The following AKT3 variants were observed in gnomAD, a reference collection of about 807,000 sequenced individuals.
AKT3 encodes the protein AKT serine/threonine kinase 3, also known as RAC-gamma serine/threonine-protein kinase.
In AKT3, 15 loss-of-function variants were observed where a neutral mutation model predicts 65.3. That is an observed-to-expected ratio of 0.23 (90% CI 0.15 to 0.35). The LOEUF is 0.35. AKT3 is among the 10% of genes least tolerant of loss of function. The pLI is 1.00. For missense variants in AKT3, 243 were observed against 576.5 expected (o/e 0.42, Z 5.92); for synonymous variants, 206 against 183.8 (o/e 1.12, Z -0.98).
chr1:243,709,019 A>G (rs1685981982), intron 2 of AKT3, among the ~76,000 whole-genome samples: 1 of 151,982 alleles, frequency 6.6e-6, no homozygotes, highest in South Asian at 2.1e-4. Context: ...TAAGTCAATC[A>G]ATGTACACTG....
intron 2 of AKT3, among the ~76,000 whole-genome samples, chr1:243,761,722 C>T (rs1180887249): frequency 1.3e-5 from 2 of 152,126 alleles, no homozygotes; most frequent in South Asian, 4.1e-4. Flanking sequence ...AAGCCCATAG[C>T]ACCACGTTGG....
Position 243,718,461 on chromosome 1 carries a change from G to GT in AKT3, c.47-22746dup, listed in dbSNP as rs879475360. Among the ~76,000 whole-genome samples the GT allele has an allele frequency of 1.9e-4, 28 of 151,118 alleles. No homozygotes were observed. The South Asian group carries it at 1.9e-3, about 10-fold the overall frequency. On this transcript the variant is annotated intron_variant, in intron 2 of 13. Coordinates refer to ENST00000673466, the MANE Select transcript of AKT3 (RefSeq NM_005465.7). ...TTTTACCTATCTACTGTTTTGTTTT[G>GT]TTTTTTTTCAGACAGTCTCTCTCTG...
intron 12 of AKT3, among the ~76,000 whole-genome samples, chr1:243,519,725 G>A (rs992760035): frequency 6.6e-6 from 1 of 151,866 alleles, no homozygotes; most frequent in African/African-American, 2.4e-5. Flanking sequence ...GAAATCATTA[G>A]GCATCCACCT....
chr1:243,584,386 C>T (rs1359621465), intron 8 of AKT3, among the ~76,000 whole-genome samples: 1 of 151,966 alleles, frequency 6.6e-6, no homozygotes, highest in African/African-American at 2.4e-5. Context: ...ATGTAAGGTA[C>T]AAGGAAGAGG....
At chr1:243,711,214 G>C (rs1365052555) in intron 2 of AKT3, among the ~76,000 whole-genome samples, 1 of 152,168 alleles carries the variant, frequency 6.6e-6, no homozygotes, top group Non-Finnish European at 1.5e-5. Flanking sequence ...AGCTACTCGG[G>C]AGGCTGAGGC....
chr1:243,498,244 G>C (rs1313342031), downstream of AKT3, among the ~76,000 whole-genome samples: 1 of 152,214 alleles, frequency 6.6e-6, no homozygotes, highest in Non-Finnish European at 1.5e-5. Flanking sequence ...GATCGTGTTG[G>C]TGGCAGTCTC....
intron 2 of AKT3, among the ~76,000 whole-genome samples, chr1:243,720,749 A>C (rs1207906240): frequency 1.3e-5 from 2 of 152,222 alleles, no homozygotes; most frequent in Non-Finnish European, 2.9e-5. Flanking sequence ...GAGCCAATCA[A>C]AATGCAATAA....
intron 12 of AKT3, among the ~76,000 whole-genome samples, chr1:243,515,732 T>G (rs1670309667): frequency 6.6e-6 from 1 of 152,354 alleles, no homozygotes; most frequent in East Asian, 1.9e-4. Context: ...GGCTCATGCC[T>G]GTAATCCCAG....
intron 2 of AKT3, among the ~76,000 whole-genome samples, chr1:243,773,644 T>C (rs1024652906): frequency 1.3e-5 from 2 of 152,106 alleles, no homozygotes; most frequent in African/African-American, 4.8e-5. Context: ...AAAAAAGTTT[T>C]ATAAAATGAG....
chr1:243,839,089 G>A (rs1695076334), intron 2 of AKT3, among the ~76,000 whole-genome samples: 1 of 151,960 alleles, frequency 6.6e-6, no homozygotes, highest in Admixed American at 6.6e-5. Context: ...GACTACTTAG[G>A]TTTTTATGAA....
intron 12 of AKT3, among the ~76,000 whole-genome samples, chr1:243,513,457 C>T (rs904372909): frequency 6.6e-6 from 1 of 152,150 alleles, no homozygotes; most frequent in African/African-American, 2.4e-5. Flanking sequence ...AAAACAAATA[C>T]ACAATTGGCT....
At position 243,543,554 on chromosome 1, in the gene AKT3, T is replaced by A. The variant is rs6697724; in HGVS notation, c.1251+1956A>T. On this transcript the variant is annotated intron_variant, in intron 12 of 13. Transcript: ENST00000673466. ...TAGCTATTTATTAAAAATAAAACCA[T>A]GCATGATTTCTGGGAGAGACAGCAA... 2.6e-5 allele frequency among the ~76,000 whole-genome samples: 4 copies of A among 152,174 alleles called. No individual in the cohort carries two copies. In the South Asian group the frequency reaches 8.3e-4, roughly 31 times the overall value.
intron 6 of AKT3, among the ~76,000 whole-genome samples, chr1:243,631,243 T>C (rs1028468119): frequency 2.0e-5 from 3 of 152,226 alleles, no homozygotes; most frequent in Non-Finnish European, 4.4e-5. Flanking sequence ...TGGCAGAAGG[T>C]CTTCTCTTGA....
intron 10 of AKT3, among the ~76,000 whole-genome samples, chr1:243,562,739 G>A (rs1176705581): frequency 1.3e-5 from 2 of 152,190 alleles, no homozygotes; most frequent in East Asian, 1.9e-4. Flanking sequence ...CAGAACTGTC[G>A]GACATGTGAG....
Position 243,714,803 on chromosome 1 carries a change from T to TAGTA in AKT3, c.47-19091_47-19088dup, listed in dbSNP as rs1209641880. On this transcript the variant is annotated intron_variant, in intron 2 of 13. Coordinates refer to ENST00000673466, the MANE Select transcript of AKT3 (RefSeq NM_005465.7). Reference sequence around the variant, plus strand: ...TGAAGAAAGACTTTAATAACACTAATAGTACACTGGTTATCATGGCACAAT... The same window carrying TAGTA: ...TGAAGAAAGACTTTAATAACACTAATAGTAAGTACACTGGTTATCATGGCACAAT... 3.9e-5 allele frequency among the ~76,000 whole-genome samples: 6 copies of TAGTA among 152,268 alleles called. No individual in the cohort carries two copies. The South Asian group carries it at 1.2e-3, about 32-fold the overall frequency.
At chr1:243,761,479 T>C (rs1156233127) in intron 2 of AKT3, among the ~76,000 whole-genome samples, 5 of 151,936 alleles carry the variant, frequency 3.3e-5, no homozygotes, top group Admixed American at 3.3e-4. Context: ...AAATAAAAAC[T>C]AAAAGACCAT....
chr1:243,606,287 C>G (rs959136219), intron 8 of AKT3, among the ~76,000 whole-genome samples: 14 of 152,166 alleles, frequency 9.2e-5, no homozygotes, highest in Non-Finnish European at 4.4e-5. Context: ...CAAAAGAAGA[C>G]AGAAAAACGT....
intron 2 of AKT3, among the ~76,000 whole-genome samples, chr1:243,712,959 A>G (rs879797582): frequency 6.6e-6 from 1 of 152,198 alleles, no homozygotes; most frequent in Non-Finnish European, 1.5e-5. Flanking sequence ...TGAGAAAAAG[A>G]GTATGTACTG....
rs1056722848 is a variant in AKT3 at position 243,845,599 on chromosome 1, A to AAAAAAAAAG, written c.-112-2318_-112-2317insCTTTTTTTT. Reference sequence around the variant, plus strand: ...GTGAGAACCTGTCTCAAAAAAAAAAAAAAAGAAAAGAAAAGAAAAAGAATT... The same window carrying AAAAAAAAAG: ...GTGAGAACCTGTCTCAAAAAAAAAAAAAAAAAAAGAAAAGAAAAGAAAAGAAAAAGAATT... On this transcript the variant is annotated intron_variant, in intron 1 of 13. Coordinates refer to ENST00000673466, the MANE Select transcript of AKT3 (RefSeq NM_005465.7). Among the ~76,000 whole-genome samples, 44 of 146,614 alleles carry AAAAAAAAAG rather than the reference A, an allele frequency of 3.0e-4. 3 individuals carry two copies. The South Asian group carries it at 9.5e-3, about 31-fold the overall frequency.
Sources: gnomAD v4.1 joint callset for allele counts (sites outside exome capture counted in the v4.1 genomes callset) on GRCh38, gnomAD v4.1.1 for gene constraint, MANE v1.5 for transcripts, NCBI Gene and HGNC (gene_info 2026-07-23, HGNC 2026-07-21) for gene names.